Variants in FGGY observed in about 807,000 individuals in gnomAD.
FGGY encodes FGGY carbohydrate kinase domain-containing protein.
In FGGY, 72 loss-of-function variants were observed where a neutral mutation model predicts 71.3. That is an observed-to-expected ratio of 1.01 (90% confidence interval 0.84 to 1.23). The LOEUF (loss-of-function observed/expected upper bound fraction) is 1.23, where lower values mean the gene tolerates loss of function less well. Among genes scored for constraint, FGGY ranks in the 50% most tolerant of loss-of-function variants. FGGY has a pLI of 0.00. For synonymous variants in FGGY, 251 were observed against 250.3 expected, an observed-to-expected ratio of 1.00 and a Z score of -0.02; for missense variants, 668 against 682.3, an observed-to-expected ratio of 0.98 and a Z score of 0.23.
intron 10 of FGGY, among the ~76,000 whole-genome samples, chr1:59,631,429 A>C (rs935344050): frequency 2.0e-5 from 3 of 152,200 alleles, no homozygotes; most frequent in African/African-American, 7.2e-5. Context: ...ATTGTCTTAC[A>C]AAGGAAAGTG....
At chr1:59,496,297 C>T (rs958912288) in intron 6 of FGGY, among the ~76,000 whole-genome samples, 3 of 152,084 alleles carry the variant, frequency 2.0e-5, no homozygotes, top group African/African-American at 7.2e-5. Flanking sequence ...CAACAGTGGA[C>T]CGGATAAAGA....
intron 5 of FGGY, among the ~76,000 whole-genome samples, chr1:59,444,477 A>T (rs1046877967): frequency 6.6e-6 from 1 of 152,068 alleles, no homozygotes; most frequent in African/African-American, 2.4e-5. Context: ...TAGTCATCTT[A>T]CAGTGGTATA....
chr1:59,469,666 T>G (rs1381514525), intron 6 of FGGY, among the ~76,000 whole-genome samples: 1 of 152,184 alleles, frequency 6.6e-6, no homozygotes, highest in African/African-American at 2.4e-5. Flanking sequence ...GTCATGGGGG[T>G]TTGTTTTACA....
intron 5 of FGGY, among the ~76,000 whole-genome samples, chr1:59,419,675 A>G (rs892303106): frequency 6.6e-6 from 1 of 152,192 alleles, no homozygotes; most frequent in South Asian, 2.1e-4. Context: ...AAAAGGCCCT[A>G]AGAGGAGAAA....
At chr1:59,635,204 C>T (rs1484293028) in intron 10 of FGGY, among the ~76,000 whole-genome samples, 5 of 152,208 alleles carry the variant, frequency 3.3e-5, no homozygotes, top group Admixed American at 6.5e-5. Context: ...AAGTGCATTT[C>T]ATTTTGAATG....
chr1:59,446,972 G>A (rs2071424842), intron 5 of FGGY, among the ~76,000 whole-genome samples: 1 of 152,152 alleles, frequency 6.6e-6, no homozygotes, highest in African/African-American at 2.4e-5. Flanking sequence ...CTTTTGATGT[G>A]CGCCTTGCTC....
At chr1:59,449,735 G>A (rs925908309) in intron 5 of FGGY, among the ~76,000 whole-genome samples, 6 of 152,078 alleles carry the variant, frequency 3.9e-5, no homozygotes, top group Non-Finnish European at 8.8e-5. Flanking sequence ...AACTAAGGCA[G>A]GATGATTGCT....
intron 6 of FGGY, among the ~76,000 whole-genome samples, chr1:59,510,545 C>T (rs1465298179): frequency 1.3e-5 from 2 of 152,170 alleles, no homozygotes; most frequent in Non-Finnish European, 2.9e-5. Flanking sequence ...GTTCTCTGCC[C>T]CATCCTTTGA....
chr1:59,405,725 C>G (rs1325572975), intron 5 of FGGY, among the ~76,000 whole-genome samples: 1 of 152,146 alleles, frequency 6.6e-6, no homozygotes, highest in Non-Finnish European at 1.5e-5. Flanking sequence ...TAGCCTACCC[C>G]CCAGTCGACC....
intron 14 of FGGY, among the ~76,000 whole-genome samples, chr1:59,717,050 A>G (rs867004056): frequency 1.1e-4 from 17 of 152,146 alleles, no homozygotes; most frequent in African/African-American, 3.1e-4. Flanking sequence ...CACATTTCAC[A>G]TATGCTCGCC....
chr1:59,612,981 A>G (rs190911691), intron 9 of FGGY, among the ~76,000 whole-genome samples: 23 of 152,362 alleles, frequency 1.5e-4, no homozygotes, highest in Admixed American at 3.9e-4. Flanking sequence ...ATACAGGAGC[A>G]CCCAGATTCA....
At chr1:59,424,637 A>G (rs897056488) in intron 5 of FGGY, among the ~76,000 whole-genome samples, 2 of 152,148 alleles carry the variant, frequency 1.3e-5, no homozygotes, top group African/African-American at 4.8e-5. Flanking sequence ...GTAATACTTT[A>G]TTTTTCATGT....
intron 14 of FGGY, among the ~76,000 whole-genome samples, chr1:59,712,532 C>T (rs1269101146): frequency 6.6e-6 from 1 of 152,222 alleles, no homozygotes; most frequent in Non-Finnish European, 1.5e-5. Context: ...ACCCCTATAG[C>T]AAACTTCTGC....
At chr1:59,653,708 G>C (rs547443450) in intron 11 of FGGY, among the ~76,000 whole-genome samples, 4 of 152,324 alleles carry the variant, frequency 2.6e-5, no homozygotes, top group African/African-American at 4.8e-5. Flanking sequence ...GAAATCACCC[G>C]TCTTCTGCGT....
intron 6 of FGGY, among the ~76,000 whole-genome samples, chr1:59,467,438 G>A (rs182126947): frequency 5.9e-4 from 90 of 152,094 alleles, no homozygotes; most frequent in Admixed American, 1.2e-3. Flanking sequence ...CATGGCATAT[G>A]TATACATATG....
intron 8 of FGGY, among the ~76,000 whole-genome samples, chr1:59,599,796 A>G (rs1430481285): frequency 1.3e-5 from 2 of 152,100 alleles, no homozygotes; most frequent in Non-Finnish European, 2.9e-5. Flanking sequence ...GAGTTGAGAA[A>G]GAAAATGGCA....
intron 8 of FGGY, among the ~76,000 whole-genome samples, chr1:59,556,219 T>C (rs1349513911): frequency 1.3e-5 from 2 of 152,202 alleles, no homozygotes; most frequent in Non-Finnish European, 2.9e-5. Context: ...TTATCTCTTA[T>C]TTTCACAGGG....
chr1:59,512,504 G>T, intron 7 of FGGY, 65 bp downstream of exon 7: 1 of 1,513,100 alleles, frequency 6.6e-7, no homozygotes, highest in Non-Finnish European at 8.9e-7. Flanking sequence ...TAGAACCGAA[G>T]ACACTCCTTT....
intron 2 of FGGY, among the ~76,000 whole-genome samples, chr1:59,332,240 T>G (rs1047512075): frequency 3.3e-5 from 5 of 152,196 alleles, no homozygotes; most frequent in African/African-American, 1.2e-4. Context: ...ATGGAACAGG[T>G]TACCAAATGA....
Sources: gnomAD v4.1 joint callset for allele counts (sites outside exome capture counted in the v4.1 genomes callset) on GRCh38, gnomAD v4.1.1 for gene constraint, MANE v1.5 for transcripts, NCBI Gene and HGNC (gene_info 2026-07-23, HGNC 2026-07-21) for gene names.